The following FBXL7 variants were observed in gnomAD, a reference collection of about 807,000 sequenced individuals.
FBXL7 encodes F-box/LRR-repeat protein 7.
Under a neutral mutation model 38.3 loss-of-function variants are expected in FBXL7, and 12 were observed. The ratio of observed to expected loss-of-function variants is 0.31; its 90% CI spans 0.20 to 0.51. The LOEUF is 0.51. Among genes scored for constraint, FBXL7 ranks in the 20% least tolerant of loss-of-function variants. The pLI is 0.98. For missense variants in FBXL7, 567 were observed against 676.4 expected (o/e 0.84, Z 1.79); for synonymous variants, 297 against 300.9 (o/e 0.99, Z 0.13).
chr5:15,917,766 G>A (rs1297790856), intron 2 of FBXL7, among the ~76,000 whole-genome samples: 1 of 146,286 alleles, frequency 6.8e-6, no homozygotes, highest in African/African-American at 2.5e-5. Context: ...TAAATCAGAG[G>A]CTTATGCCTT....
At position 15,928,562 on chromosome 5, in the gene FBXL7, G is replaced by A; in HGVS notation, c.739+61G>A. The stretch of plus-strand genomic sequence containing the variant: ...CTGGTGCACCATCCTAAAACAGTGG[G>A]GACAGTGCCACCACCGGAGGGTCCT... On this transcript the variant is annotated intron_variant, in intron 3 of 3. Transcript: ENST00000504595. The surrounding 1 kb of genome is among the most constrained non-coding windows in gnomAD (Gnocchi z 4.0). 1 of 1,543,648 alleles carries A rather than the reference G, an allele frequency of 6.5e-7. No homozygotes were observed. Among genetic ancestry groups the A allele is most frequent in the Non-Finnish European group, 8.7e-7 (1 of 1,144,474 alleles).
At chr5:15,795,993 C>T (rs1737407001) in intron 2 of FBXL7, among the ~76,000 whole-genome samples, 1 of 152,144 alleles carries the variant, frequency 6.6e-6, no homozygotes, top group African/African-American at 2.4e-5. Context: ...CTATTTTGTC[C>T]TATATATTTC....
At chr5:15,501,740 G>C in intron 1 of FBXL7, 1 of 985,368 alleles carries the variant, frequency 1.0e-6, no homozygotes, top group African/African-American at 1.7e-5. Flanking sequence ...GTCTCTCCTC[G>C]TTTCTCAGCA....
rs1162757181 is a variant in FBXL7, at chr5:15,720,584, G to A, written c.127+104512G>A. Among the ~76,000 whole-genome samples the A allele has an allele frequency of 1.3e-5, 2 of 148,232 alleles. 1 individual carries two copies. The highest frequency in any genetic ancestry group is 3.0e-5 in the Non-Finnish European group (2 of 66,518). ...GTATCTAATTTTGCATTTATACCTA[G>A]CTAATTTTATTTCTGTCCCCATTTA... On this transcript the variant is annotated intron_variant, in intron 2 of 3. Coordinates refer to ENST00000504595, the MANE Select transcript of FBXL7 (RefSeq NM_012304.5).
chr5:15,867,005 T>C (rs1040904543), intron 2 of FBXL7, among the ~76,000 whole-genome samples: 6 of 152,192 alleles, frequency 3.9e-5, no homozygotes, highest in South Asian at 4.1e-4. Flanking sequence ...AGATACATTA[T>C]GGTAGGAAAT....
rs766802578 is a variant in FBXL7, at chr5:15,936,713, C to T, written c.1003C>T (p.Arg335Cys). Residue 335 changes from arginine to cysteine, a missense_variant, in exon 4 of 4, where the codon CGC becomes TGC. By Grantham distance (180) the Arg-to-Cys change is radical. Transcript: ENST00000504595. This position sits in a 1 kb window ranked among gnomAD's most constrained non-coding sequence, Gnocchi z 6.0. ...SIKELSVSDC[R>C]FVSDFGLREI... ...CAAGGAGCTGAGCGTCAGCGACTGC[C>T]GCTTCGTCAGCGACTTCGGCCTGCG... 1 of 1,608,380 alleles carries T rather than the reference C, an allele frequency of 6.2e-7. No homozygotes were observed. Among genetic ancestry groups the T allele is most frequent in the Non-Finnish European group, 8.5e-7 (1 of 1,179,448 alleles).
intron 2 of FBXL7, among the ~76,000 whole-genome samples, chr5:15,754,607 C>T (rs58818319): frequency 0.053 from 8,140 of 152,248 alleles, 236 homozygotes; most frequent in East Asian, 0.1. Flanking sequence ...GCATTGCTAC[C>T]ATTAATGTAG....
intron 2 of FBXL7, among the ~76,000 whole-genome samples, chr5:15,869,952 A>G (rs566870484): frequency 6.6e-6 from 1 of 152,252 alleles, no homozygotes; most frequent in South Asian, 2.1e-4. Context: ...TTTACAAAAA[A>G]TACAAAAATT....
intron 2 of FBXL7, among the ~76,000 whole-genome samples, chr5:15,742,251 A>C (rs1439404907): frequency 5.3e-5 from 8 of 152,184 alleles, no homozygotes; most frequent in Non-Finnish European, 4.4e-5. Flanking sequence ...AGAATAATAT[A>C]TCCTAATTTT....
At position 15,936,914 on chromosome 5, in the gene FBXL7, A is replaced by G. The variant is rs913630389; in HGVS notation, c.1204A>G (p.Thr402Ala). 1.9e-6 allele frequency: 3 copies of G among 1,613,922 alleles called. No individual in the cohort carries two copies. Among genetic ancestry groups the G allele is most frequent in the African/African-American group, 2.7e-5 (2 of 74,946 alleles). Residue 402 changes from threonine (T) to alanine (A), a missense_variant, in exon 4 of 4, where the codon ACC (threonine) becomes GCC (alanine). By Grantham distance (58) the Thr-to-Ala change is moderately conservative. Coordinates refer to ENST00000504595, the MANE Select transcript of FBXL7 (RefSeq NM_012304.5). The surrounding 1 kb of genome is among the most constrained non-coding windows in gnomAD (Gnocchi z 6.0). ...HGVEYLAKNC[T>A]KLKSLDIGKC... ...TGTGGAGTACCTCGCCAAGAACTGC[A>G]CCAAACTCAAATCCCTGGATATCGG...
chr5:15,902,477 G>C (rs948426374), intron 2 of FBXL7, among the ~76,000 whole-genome samples: 1 of 152,174 alleles, frequency 6.6e-6, no homozygotes, highest in Non-Finnish European at 1.5e-5. Flanking sequence ...CAGAGGCTTT[G>C]ATTAAAAGAA....
At chr5:15,758,172 A>T (rs919821035) in intron 2 of FBXL7, among the ~76,000 whole-genome samples, 4 of 152,122 alleles carry the variant, frequency 2.6e-5, no homozygotes, top group African/African-American at 9.7e-5. Flanking sequence ...AAATCGCCTC[A>T]TATCTTACTA....
chr5:15,746,087 C>G (rs1258400770), intron 2 of FBXL7, among the ~76,000 whole-genome samples: 1 of 152,090 alleles, frequency 6.6e-6, no homozygotes, highest in Non-Finnish European at 1.5e-5. Flanking sequence ...TACTGCTGCA[C>G]TGGGTGTAGA....
rs1402924950 is a variant in FBXL7 at position 15,936,178 on chromosome 5, A to T, written c.740-272A>T. Reference sequence around the variant, plus strand: ...GGATTGATTTGCTAAATGTCAGGCAAGTAGGGACAGATGACAGATCAGGAA... The same window carrying T: ...GGATTGATTTGCTAAATGTCAGGCATGTAGGGACAGATGACAGATCAGGAA... On this transcript the variant is annotated intron_variant, in intron 3 of 3. Transcript: ENST00000504595. This position sits in a 1 kb window ranked among gnomAD's most constrained non-coding sequence, Gnocchi z 6.0. Among the ~76,000 whole-genome samples the T allele has an allele frequency of 6.6e-6, 1 of 152,258 alleles. No homozygotes were observed. Among genetic ancestry groups the T allele is most frequent in the African/African-American group, 2.4e-5 (1 of 41,474 alleles).
chr5:15,725,439 A>G lies in FBXL7; in HGVS notation c.127+109367A>G, dbSNP rs543407250. Among the ~76,000 whole-genome samples, 350 of 152,182 alleles carry G rather than the reference A, an allele frequency of 2.3e-3. 3 individuals are homozygous for G. Among genetic ancestry groups the G allele is most frequent in the African/African-American group, 8.0e-3 (334 of 41,532 alleles). ...TTGCTTAATTTTCACAACTTTGTTC[A>G]CTTTTCATTTATAGAATTTTTCTGT... On this transcript the variant is annotated intron_variant, in intron 2 of 3. Coordinates refer to ENST00000504595, the MANE Select transcript of FBXL7 (RefSeq NM_012304.5).
At chr5:15,732,532 T>C (rs1055514023) in intron 2 of FBXL7, among the ~76,000 whole-genome samples, 3 of 152,178 alleles carry the variant, frequency 2.0e-5, no homozygotes, top group Non-Finnish European at 4.4e-5. Context: ...AACTCCAGCA[T>C]GTGGGATGCA....
At chr5:15,731,881 A>G (rs1048856756) in intron 2 of FBXL7, among the ~76,000 whole-genome samples, 2 of 152,130 alleles carry the variant, frequency 1.3e-5, no homozygotes, top group Non-Finnish European at 2.9e-5. Flanking sequence ...GGTTCCTTGG[A>G]CTACATGGAT....
chr5:15,785,028 A>G (rs1737097396), intron 2 of FBXL7, among the ~76,000 whole-genome samples: 1 of 152,102 alleles, frequency 6.6e-6, no homozygotes, highest in African/African-American at 2.4e-5. Context: ...GCTATCATGA[A>G]TCAGGTCTAT....
intron 2 of FBXL7, among the ~76,000 whole-genome samples, chr5:15,869,742 T>C (rs567001830): frequency 2.0e-5 from 3 of 152,148 alleles, no homozygotes; most frequent in Non-Finnish European, 4.4e-5. Flanking sequence ...CTGAGTAAAA[T>C]TGGTGTTTTG....
Sources: allele counts gnomAD v4.1 joint callset (sites outside exome capture counted in the v4.1 genomes callset), GRCh38; gene constraint gnomAD v4.1.1; non-coding constraint Gnocchi (gnomAD v3.1); transcripts MANE v1.5; gene names NCBI Gene and HGNC (gene_info 2026-07-23, HGNC 2026-07-21).